OR5AN1: variants seen among roughly 807,000 people sequenced by gnomAD.
OR5AN1 encodes the protein olfactory receptor family 5 subfamily AN member 1.
For missense variants in OR5AN1, 476 were observed against 368.9 expected, an observed-to-expected ratio of 1.29 and a Z score of -2.38; for synonymous variants, 167 against 131.8, an observed-to-expected ratio of 1.27 and a Z score of -1.83.
rs1285544423 is a variant in OR5AN1 at position 59,369,734 on chromosome 11, G to A, written c.*4340G>A. The A allele has an allele frequency of 1.3e-5, 2 of 152,150 alleles. No homozygotes were observed. Among genetic ancestry groups the A allele is most frequent in the Non-Finnish European group, 2.9e-5 (2 of 68,028 alleles). 9.4% of individuals were successfully genotyped at this position (152,150 alleles called of 1,614,324 possible). ...AAAATATCCCCAACCTTGCTAGAGA[G>A]GACAACAGTCAAATTCAGTAAATAC... On this transcript the variant is annotated 3_prime_UTR_variant, in exon 2 of 2. Transcript: ENST00000641998.
chr11:59,360,061 C>G (rs1296616043), intron 1 of OR5AN1: 2 of 152,148 alleles, frequency 1.3e-5, no homozygotes, highest in African/African-American at 4.8e-5. Flanking sequence ...AGAGTTTTTT[C>G]TCTTTTTCTC....
In OR5AN1 at chr11:59,371,539, G is replaced by C. The variant is rs1055715809; in HGVS notation, c.*6145G>C. ...GCTTCCAGGACTCCTCCCTATGCCA[G>C]AGACATTATAATAACAGAGAAAACA... On this transcript the variant is annotated 3_prime_UTR_variant, in exon 2 of 2. Transcript: ENST00000641998. 3 of 152,156 alleles carry C rather than the reference G, an allele frequency of 2.0e-5. No individual in the cohort carries two copies. The highest frequency in any genetic ancestry group is 7.2e-5 in the African/African-American group (3 of 41,428). 9.4% of individuals were successfully genotyped at this position (152,156 alleles called of 1,614,324 possible).
rs1348292560 is a variant in OR5AN1, at chr11:59,367,504, G to A, written c.*2110G>A. On this transcript the variant is annotated 3_prime_UTR_variant, in exon 2 of 2. Transcript: ENST00000641998. ...GGGTGTTAACAGCAACAACCCACAG[G>A]CCCCACTTCCATGCCACCTCACAAG... 2 of 152,216 alleles carry A rather than the reference G, an allele frequency of 1.3e-5. No individual in the cohort carries two copies. The highest frequency in any genetic ancestry group is 6.5e-5 in the Admixed American group (1 of 15,272). The allele number at this position is 152,216 out of a possible 1,614,324, so 9.4% of individuals were successfully genotyped here. A position where few individuals can be genotyped will look rare whatever the true frequency, so the allele number is the denominator to read the frequency against.
chr11:59,364,190 T>A (rs1438134377), intron 1 of OR5AN1, among the ~76,000 whole-genome samples: 1 of 152,226 alleles, frequency 6.6e-6, no homozygotes, highest in Non-Finnish European at 1.5e-5. Context: ...TATAGCATAT[T>A]TTTTAAAAAT....
At chr11:59,362,213 C>T (rs1857472544) in intron 1 of OR5AN1, among the ~76,000 whole-genome samples, 1 of 152,098 alleles carries the variant, frequency 6.6e-6, no homozygotes, top group Non-Finnish European at 1.5e-5. Context: ...TGTCTTATCA[C>T]TATTTTCCCC....
In OR5AN1 at chr11:59,366,238, T is replaced by C. The variant is rs189161148; in HGVS notation, c.*844T>C. The stretch of plus-strand genomic sequence containing the variant: ...GATACTGTGGGACTCAAACTTTCTT[T>C]TTCTCCCCCATTAAATTTAGAAAAT... On this transcript the variant is annotated 3_prime_UTR_variant, in exon 2 of 2. Coordinates refer to ENST00000641998, the MANE Select transcript of OR5AN1 (RefSeq NM_001004729.2). The C allele has an allele frequency of 6.6e-6, 1 of 152,278 alleles. No homozygotes were observed. Among genetic ancestry groups the C allele is most frequent in the Non-Finnish European group, 1.5e-5 (1 of 68,024 alleles). 9.4% of individuals were successfully genotyped at this position (152,278 alleles called of 1,614,324 possible).
chr11:59,361,984 TTGTGTGTG>T (rs144506810), intron 1 of OR5AN1, among the ~76,000 whole-genome samples: 5 of 139,920 alleles, frequency 3.6e-5, no homozygotes, highest in African/African-American at 1.4e-4. Flanking sequence ...GTGTGTGTGT[TTGTGTGTG>T]TGTGTGTGTG....
chr11:59,361,786 C>T (rs1421357273), intron 1 of OR5AN1, among the ~76,000 whole-genome samples: 2 of 151,928 alleles, frequency 1.3e-5, no homozygotes, highest in African/African-American at 2.4e-5. Context: ...TTTCTCTGTC[C>T]TCTCTCTCTC....
In OR5AN1 at chr11:59,364,572, A is replaced by G. The variant is rs1857501618; in HGVS notation, c.114A>G (p.Thr38=). 6.2e-7 allele frequency: 1 copy of G among 1,613,786 alleles called. No homozygotes were observed. The highest frequency in any genetic ancestry group is 1.3e-5 in the African/African-American group (1 of 74,874). Residue 38 remains threonine, a synonymous_variant, in exon 2 of 2, where the codon ACA becomes ACG. Transcript: ENST00000641998. The part of the protein sequence containing the change: ...LFTIFLVIYI[T]SLAWNLSLIV... Reference sequence around the variant, plus strand: ...CTATATTCCTGGTGATCTACATTACATCTCTGGCCTGGAACCTCTCCCTCA... The same window carrying G: ...CTATATTCCTGGTGATCTACATTACGTCTCTGGCCTGGAACCTCTCCCTCA...
intron 1 of OR5AN1, 43 bp from the exon 2 acceptor site, chr11:59,364,403 A>T: frequency 1.6e-6 from 2 of 1,236,152 alleles, no homozygotes; most frequent in Non-Finnish European, 1.2e-6. Flanking sequence ...TATCACTTCA[A>T]CTGAGTTAGC....
At position 59,369,957 on chromosome 11, in the gene OR5AN1, T is replaced by C. The variant is rs1467335727; in HGVS notation, c.*4563T>C. 1 of 152,142 alleles carries C rather than the reference T, an allele frequency of 6.6e-6. No individual in the cohort carries two copies. Among genetic ancestry groups the C allele is most frequent in the East Asian group, 1.9e-4 (1 of 5,202 alleles). The allele number at this position is 152,142 out of a possible 1,614,324, so 9.4% of individuals were successfully genotyped here. Reference sequence around the variant, plus strand: ...GCCAGAAGAGTTTGGGGTTTTGTCTTCCACATCCTTAAAGAAAATAGTCTT... The same window carrying C: ...GCCAGAAGAGTTTGGGGTTTTGTCTCCCACATCCTTAAAGAAAATAGTCTT... On this transcript the variant is annotated 3_prime_UTR_variant, in exon 2 of 2. Transcript: ENST00000641998.
chr11:59,364,713 C>G lies in OR5AN1; in HGVS notation c.255C>G (p.Asn85Lys), dbSNP rs111726902. The change falls in exon 2 of 2, where the codon AAC (asparagine) becomes AAG (lysine). Residue 85 changes from asparagine (N) to lysine (K), a missense_variant. Asn to Lys is a moderately conservative substitution (Grantham distance 94). Coordinates refer to ENST00000641998, the MANE Select transcript of OR5AN1 (RefSeq NM_001004729.2). ...ISSTVPKMLSNLLQEQQTITF... is the reference protein window; with the variant it reads ...ISSTVPKMLSKLLQEQQTITF... ...CCACAGTCCCCAAGATGCTCTCCAA[C>G]CTCTTACAGGAACAGCAAACTATCA... 6.2e-7 allele frequency: 1 copy of G among 1,613,958 alleles called. No homozygotes were observed. Among genetic ancestry groups the G allele is most frequent in the Admixed American group, 1.7e-5 (1 of 60,012 alleles).
Position 59,364,847 on chromosome 11 carries a change from C to G in OR5AN1, c.389C>G (p.Pro130Arg), listed in dbSNP as rs368033908. Reference sequence around the variant, plus strand: ...GATCGTTATGCTGCCATTTGTAACCCCCTGCTCTATTCATCCATCATGTCA... The same window carrying G: ...GATCGTTATGCTGCCATTTGTAACCGCCTGCTCTATTCATCCATCATGTCA... ...AYDRYAAICN[P>R]LLYSSIMSPT... is the part of the protein sequence containing the mutation. The change falls in exon 2 of 2, where the codon CCC (proline) becomes CGC (arginine). Residue 130 changes from proline to arginine, a missense_variant. By Grantham distance (103) the Pro-to-Arg change is moderately radical. Transcript: ENST00000641998. 6.2e-7 allele frequency: 1 copy of G among 1,613,766 alleles called. No homozygotes were observed. The highest frequency in any genetic ancestry group is 1.3e-5 in the African/African-American group (1 of 74,904).
intron 1 of OR5AN1, 119 bp from the exon 2 acceptor site, chr11:59,364,327 T>G: frequency 1.6e-6 from 1 of 620,652 alleles, no homozygotes. Flanking sequence ...ATCAGAAGAG[T>G]GAAACATTTG....
In OR5AN1 at chr11:59,364,622, A is replaced by T; in HGVS notation, c.164A>T (p.His55Leu). The change falls in exon 2 of 2, where the codon CAC becomes CTC. Residue 55 changes from histidine (H) to leucine (L), a missense_variant. Transcript: ENST00000641998. ...SLIVLIRMDS[H>L]LHTPMYFFLS... The stretch of plus-strand genomic sequence containing the variant: ...ATTGTTTTAATAAGGATGGATTCCC[A>T]CCTCCATACACCCATGTATTTCTTC... The T allele has an allele frequency of 6.2e-7, 1 of 1,613,920 alleles. No homozygotes were observed. The highest frequency in any genetic ancestry group is 8.5e-7 in the Non-Finnish European group (1 of 1,179,920).
In OR5AN1 at chr11:59,369,365, T is replaced by C. The variant is rs928150788; in HGVS notation, c.*3971T>C. 1 of 150,870 alleles carries C rather than the reference T, an allele frequency of 6.6e-6. No individual in the cohort carries two copies. The highest frequency in any genetic ancestry group is 2.4e-5 in the African/African-American group (1 of 41,006). 9.3% of individuals were successfully genotyped at this position (150,870 alleles called of 1,614,324 possible). On this transcript the variant is annotated 3_prime_UTR_variant, in exon 2 of 2. Transcript: ENST00000641998. ...ATGGCAAAATCCAATCCAAGAAAAA[T>C]AAGAATCACAATAAAGTGACACAGA...
At chr11:59,362,796 T>C (rs1051434175) in intron 1 of OR5AN1, among the ~76,000 whole-genome samples, 6 of 152,240 alleles carry the variant, frequency 3.9e-5, no homozygotes, top group African/African-American at 1.4e-4. Context: ...AAGCTCTGAC[T>C]TGCTGATTGA....
intron 1 of OR5AN1, among the ~76,000 whole-genome samples, chr11:59,362,670 T>G (rs1298882981): frequency 6.6e-6 from 1 of 152,234 alleles, no homozygotes; most frequent in Non-Finnish European, 1.5e-5. Flanking sequence ...TGGTTTGCTC[T>G]TTGATCTCAA....
In OR5AN1 at chr11:59,371,376, C is replaced by A. The variant is rs1857592474; in HGVS notation, c.*5982C>A. 1.3e-5 allele frequency: 2 copies of A among 151,960 alleles called. No homozygotes were observed. Among genetic ancestry groups the A allele is most frequent in the Non-Finnish European group, 1.5e-5 (1 of 68,002 alleles). 9.4% of individuals were successfully genotyped at this position (151,960 alleles called of 1,614,324 possible). Reference sequence around the variant, plus strand: ...AATTCAGAGGAACCTCTATAGGTCACCACCTTAGGGAAAAAAAAAGACAAA... The same window carrying A: ...AATTCAGAGGAACCTCTATAGGTCAACACCTTAGGGAAAAAAAAAGACAAA... On this transcript the variant is annotated 3_prime_UTR_variant, in exon 2 of 2. Coordinates refer to ENST00000641998, the MANE Select transcript of OR5AN1 (RefSeq NM_001004729.2).
Sources: gnomAD v4.1 joint callset for allele counts (sites outside exome capture counted in the v4.1 genomes callset) on GRCh38, gnomAD v4.1.1 for gene constraint, MANE v1.5 for transcripts, NCBI Gene and HGNC (gene_info 2026-07-23, HGNC 2026-07-21) for gene names.